Variants in KCNAB1 observed in about 807,000 individuals in gnomAD.
KCNAB1 encodes potassium voltage-gated channel subfamily A regulatory beta subunit 1, also known as voltage-gated potassium channel subunit beta-1.
A neutral mutation model predicts 64.6 loss-of-function variants in KCNAB1; 35 were observed. The observed-to-expected ratio is 0.54, with a 90% confidence interval of 0.41 to 0.72. The LOEUF is 0.72. Ranked by LOEUF, KCNAB1 falls within the 30% of genes least tolerant of loss-of-function variation. The pLI is 0.00. For missense variants in KCNAB1, 401 were observed against 512.9 expected, an observed-to-expected ratio of 0.78 and a Z score of 2.11; for synonymous variants, 177 against 183.8, an observed-to-expected ratio of 0.96 and a Z score of 0.30.
At chr3:156,285,804 C>A (rs1720070395) in intron 1 of KCNAB1, among the ~76,000 whole-genome samples, 1 of 152,238 alleles carries the variant, frequency 6.6e-6, no homozygotes. Context: ...CGCACCCGGT[C>A]TGAATTTCCT....
chr3:156,149,330 T>C (rs1398430288), intron 1 of KCNAB1, among the ~76,000 whole-genome samples: 1 of 151,850 alleles, frequency 6.6e-6, no homozygotes, highest in Non-Finnish European at 1.5e-5. Flanking sequence ...ACAGAAAAGC[T>C]CGAGTATCCG....
At chr3:156,439,961 C>T (rs989461053) in intron 2 of KCNAB1, among the ~76,000 whole-genome samples, 1 of 152,088 alleles carries the variant, frequency 6.6e-6, no homozygotes, top group African/African-American at 2.4e-5. Context: ...GGAATGGATT[C>T]ATTTAGATTA....
At chr3:156,480,465 C>T (rs1714708429) in intron 8 of KCNAB1, among the ~76,000 whole-genome samples, 1 of 151,714 alleles carries the variant, frequency 6.6e-6, no homozygotes, top group Non-Finnish European at 1.5e-5. Context: ...TTGATGGGTG[C>T]AGCCAACCAC....
At chr3:156,142,156 T>C (rs1176752305) in intron 1 of KCNAB1, among the ~76,000 whole-genome samples, 1 of 152,230 alleles carries the variant, frequency 6.6e-6, no homozygotes, top group Non-Finnish European at 1.5e-5. Flanking sequence ...TATAAGTCTT[T>C]TGTCAGATAT....
At chr3:156,413,648 G>A (rs1011255593) in intron 1 of KCNAB1, among the ~76,000 whole-genome samples, 2 of 152,170 alleles carry the variant, frequency 1.3e-5, no homozygotes, top group African/African-American at 2.4e-5. Context: ...CAACTGCCCC[G>A]TGTCTTCTGG....
At chr3:156,196,646 T>C (rs1713969232) in intron 1 of KCNAB1, among the ~76,000 whole-genome samples, 1 of 152,224 alleles carries the variant, frequency 6.6e-6, no homozygotes, top group Non-Finnish European at 1.5e-5. Flanking sequence ...TTGTGATTTT[T>C]GCACATTGAT....
At position 156,425,019 on chromosome 3, in the gene KCNAB1, T is replaced by A. The variant is rs1038077967; in HGVS notation, c.319+3360T>A. On this transcript the variant is annotated intron_variant, in intron 2 of 13. Transcript: ENST00000490337. ...TCAGAACTTTTTTGAACTGCCTCTA[T>A]AAGCCAGAGGAGACAAGAAATTCAT... is the stretch of plus-strand genomic sequence containing the variant. Among the ~76,000 whole-genome samples the A allele has an allele frequency of 2.6e-5, 4 of 152,222 alleles. No individual in the cohort carries two copies. The East Asian group carries it at 7.7e-4, about 29-fold the overall frequency.
chr3:156,345,125 C>A (rs181616169), intron 1 of KCNAB1, among the ~76,000 whole-genome samples: 2 of 152,308 alleles, frequency 1.3e-5, no homozygotes, highest in East Asian at 3.9e-4. Flanking sequence ...TCGTAATTTC[C>A]CTTTTCCTAG....
intron 5 of KCNAB1, among the ~76,000 whole-genome samples, chr3:156,461,264 C>G (rs915840938): frequency 6.6e-6 from 1 of 152,170 alleles, no homozygotes; most frequent in Non-Finnish European, 1.5e-5. Context: ...AATCCAAAAT[C>G]AAGGTTTGAC....
chr3:156,185,229 A>C (rs970900585), intron 1 of KCNAB1, among the ~76,000 whole-genome samples: 1 of 152,146 alleles, frequency 6.6e-6, no homozygotes, highest in South Asian at 2.1e-4. Context: ...TTCAGGGCTG[A>C]GCATCTTCTA....
In KCNAB1 at chr3:156,336,379, C is replaced by A. The variant is rs1379905608; in HGVS notation, c.276-85237C>A. The stretch of plus-strand genomic sequence containing the variant: ...TCTGTAAAACAAACAAACAAACAAA[C>A]AAAAAAAGAGTAACAATACTTTTAA... On this transcript the variant is annotated intron_variant, in intron 1 of 13. Coordinates refer to ENST00000490337, the MANE Select transcript of KCNAB1 (RefSeq NM_172160.3). Among the ~76,000 whole-genome samples the A allele has an allele frequency of 6.2e-5, 9 of 146,328 alleles. 1 individual carries two copies. In the Middle Eastern group the frequency reaches 0.01, roughly 164 times the overall value.
intron 8 of KCNAB1, among the ~76,000 whole-genome samples, chr3:156,501,146 C>T (rs1716372734): frequency 6.6e-6 from 1 of 152,182 alleles, no homozygotes; most frequent in East Asian, 1.9e-4. Flanking sequence ...CATGAGATTC[C>T]ATAGTCAGCT....
intron 1 of KCNAB1, among the ~76,000 whole-genome samples, chr3:156,248,284 T>C (rs2108459770): frequency 6.6e-6 from 1 of 152,318 alleles, no homozygotes; most frequent in Non-Finnish European, 1.5e-5. Context: ...CTTCCTTTTA[T>C]ATCCTTTTTT....
In KCNAB1 at chr3:156,515,481, CAA is replaced by C. The variant is rs11351525; in HGVS notation, c.865+270_865+271del. Among the ~76,000 whole-genome samples, 107 of 149,810 alleles carry C rather than the reference CAA, an allele frequency of 7.1e-4. No homozygotes were observed. The South Asian group carries it at 9.0e-3, about 13-fold the overall frequency. Reference sequence around the variant, plus strand: ...ATTTCAGCTGTACTCAGCAGGTGTTCAAAAAAAAAATGCATACTGAATAAAAG... The same window carrying C: ...ATTTCAGCTGTACTCAGCAGGTGTTCAAAAAAAATGCATACTGAATAAAAG... On this transcript the variant is annotated intron_variant, in intron 10 of 13. Coordinates refer to ENST00000490337, the MANE Select transcript of KCNAB1 (RefSeq NM_172160.3).
chr3:156,499,250 TG>T (rs1716216298), intron 8 of KCNAB1, among the ~76,000 whole-genome samples: 1 of 152,220 alleles, frequency 6.6e-6, no homozygotes. Context: ...AGTCCTGATT[TG>T]GCTCCTTCTG....
At chr3:156,384,983 CA>C (rs1712476636) in intron 1 of KCNAB1, among the ~76,000 whole-genome samples, 1 of 152,126 alleles carries the variant, frequency 6.6e-6, no homozygotes, top group Non-Finnish European at 1.5e-5. Context: ...GAAAAGAAAA[CA>C]AGAAAGAGTA....
chr3:156,197,591 G>A (rs990432865), intron 1 of KCNAB1, among the ~76,000 whole-genome samples: 1 of 152,132 alleles, frequency 6.6e-6, no homozygotes, highest in Non-Finnish European at 1.5e-5. Flanking sequence ...TAGTTTATTT[G>A]TTTGTAGTAT....
At chr3:156,356,840 T>A (rs577589167) in intron 1 of KCNAB1, among the ~76,000 whole-genome samples, 54 of 152,340 alleles carry the variant, frequency 3.5e-4, no homozygotes, top group African/African-American at 1.2e-3. Flanking sequence ...CTAGCAATTA[T>A]GAAATCCTAA....
intron 1 of KCNAB1, among the ~76,000 whole-genome samples, chr3:156,155,520 A>C (rs1715665013): frequency 6.6e-6 from 1 of 152,234 alleles, no homozygotes; most frequent in Non-Finnish European, 1.5e-5. Context: ...CACTGAGAAG[A>C]CAGCATTTGA....
Sources: allele counts gnomAD v4.1 joint callset (sites outside exome capture counted in the v4.1 genomes callset), GRCh38; gene constraint gnomAD v4.1.1; transcripts MANE v1.5; gene names NCBI Gene and HGNC (gene_info 2026-07-23, HGNC 2026-07-21).